Variants in SMG6 observed in about 807,000 individuals in gnomAD.
SMG6 encodes SMG6 nonsense mediated mRNA decay factor, also known as telomerase-binding protein EST1A.
SMG6 carries 66 observed loss-of-function variants against 142.2 expected under a neutral mutation model. That is an observed-to-expected ratio of 0.46 (90% CI 0.38 to 0.57). SMG6 has a LOEUF of 0.57. Ranked by LOEUF, SMG6 falls within the 20% of genes least tolerant of loss-of-function variation. SMG6 has a pLI of 0.00. For synonymous variants in SMG6, 779 were observed against 702.4 expected, an observed-to-expected ratio of 1.11 and a Z score of -1.72; for missense variants, 1,793 against 1,832.0, an observed-to-expected ratio of 0.98 and a Z score of 0.39.
chr17:2,076,711 AG>A (rs931175154), intron 15 of SMG6, among the ~76,000 whole-genome samples: 2 of 152,152 alleles, frequency 1.3e-5, no homozygotes, highest in Non-Finnish European at 2.9e-5. Context: ...GGGGAAGGGA[AG>A]GGGGGAATTT....
chr17:2,093,752 C>T (rs1257020682), intron 13 of SMG6, among the ~76,000 whole-genome samples: 3 of 152,038 alleles, frequency 2.0e-5, no homozygotes, highest in Non-Finnish European at 2.9e-5. Context: ...GCAGCAGGCT[C>T]AGTCTCTTGA....
chr17:2,254,885 G>A (rs2074129766), intron 8 of SMG6, among the ~76,000 whole-genome samples: 1 of 152,192 alleles, frequency 6.6e-6, no homozygotes, highest in African/African-American at 2.4e-5. Context: ...CAGCACCAGA[G>A]ATATCCTCTC....
At chr17:2,069,011 T>G in intron 15 of SMG6, 80 bp from the exon 16 acceptor site, 1 of 1,440,284 alleles carries the variant, frequency 6.9e-7, no homozygotes, top group Non-Finnish European at 9.6e-7. Context: ...CACTACGGTG[T>G]GTCAGCATCC....
intron 13 of SMG6, chr17:2,088,745 T>G: frequency 4.1e-6 from 4 of 985,358 alleles, no homozygotes; most frequent in Non-Finnish European, 4.8e-6. Flanking sequence ...ATGGAGAAAC[T>G]GAGAGGCAGA....
intron 16 of SMG6, among the ~76,000 whole-genome samples, chr17:2,066,970 C>G (rs761295276): frequency 2.5e-4 from 38 of 152,316 alleles, no homozygotes; most frequent in Non-Finnish European, 4.4e-4. Context: ...GAAGGGAAAG[C>G]TGGCGGCTTA....
intron 13 of SMG6, among the ~76,000 whole-genome samples, chr17:2,091,820 G>A (rs1032849263): frequency 3.4e-5 from 5 of 148,012 alleles, no homozygotes; most frequent in South Asian, 4.4e-4. Flanking sequence ...ACAGGCACCC[G>A]CCACCACGCC....
intron 6 of SMG6, among the ~76,000 whole-genome samples, chr17:2,285,770 T>C (rs2074891706): frequency 6.6e-6 from 1 of 152,152 alleles, no homozygotes; most frequent in Non-Finnish European, 1.5e-5. Context: ...ACCTCCCGGA[T>C]TTGAGCAATT....
intron 13 of SMG6, among the ~76,000 whole-genome samples, chr17:2,106,248 T>A (rs1198933096): frequency 1.3e-5 from 2 of 152,166 alleles, no homozygotes; most frequent in Non-Finnish European, 2.9e-5. Flanking sequence ...CTAAGGGAAG[T>A]TTCTTCAAAC....
intron 13 of SMG6, among the ~76,000 whole-genome samples, chr17:2,105,083 ATT>A (rs549898049): frequency 1.7e-4 from 18 of 103,150 alleles, no homozygotes; most frequent in East Asian, 3.0e-4. Context: ...CACCCAGCTA[ATT>A]TTTTTTTTTT....
intron 6 of SMG6, among the ~76,000 whole-genome samples, chr17:2,289,941 CATATATATATAT>C (rs3055883): frequency 1.4e-5 from 2 of 141,594 alleles, no homozygotes; most frequent in African/African-American, 5.2e-5. Flanking sequence ...TTATTTTATA[CATATATATATAT>C]ATATATATAT....
chr17:2,083,908 A>G (rs1482579524), intron 14 of SMG6, among the ~76,000 whole-genome samples: 2 of 152,194 alleles, frequency 1.3e-5, no homozygotes, highest in Non-Finnish European at 2.9e-5. Flanking sequence ...GGCCACTAAC[A>G]TGAAGGAACC....
intron 13 of SMG6, among the ~76,000 whole-genome samples, chr17:2,153,876 C>T (rs1475927629): frequency 2.2e-5 from 2 of 91,210 alleles, no homozygotes; most frequent in East Asian, 3.6e-4. Flanking sequence ...GTAGAGTGTG[C>T]GGTGACGGGG....
At position 2,071,277 on chromosome 17, in the gene SMG6, C is replaced by A. The variant is rs963783615; in HGVS notation, c.3682-2346G>T. ...AGTGGCTGCCATTTTTTTTTTTACC[C>A]TATGTGAACAGTCAGCTCCTAAGCC... On this transcript the variant is annotated intron_variant, in intron 15 of 18. Coordinates refer to ENST00000263073, the MANE Select transcript of SMG6 (RefSeq NM_017575.5). The surrounding 1 kb of genome is among the most constrained non-coding windows in gnomAD (Gnocchi z 5.6). Among the ~76,000 whole-genome samples, 3 of 151,772 alleles carry A rather than the reference C, an allele frequency of 2.0e-5. No homozygotes were observed. Among genetic ancestry groups the A allele is most frequent in the African/African-American group, 7.3e-5 (3 of 41,332 alleles).
intron 10 of SMG6, among the ~76,000 whole-genome samples, chr17:2,214,754 C>A (rs1204365425): frequency 1.3e-5 from 2 of 152,190 alleles, no homozygotes; most frequent in Admixed American, 1.3e-4. Context: ...TGTTATTTCT[C>A]CTCTCAAGAA....
intron 13 of SMG6, among the ~76,000 whole-genome samples, chr17:2,126,933 C>T (rs557149951): frequency 2.6e-5 from 4 of 151,496 alleles, no homozygotes; most frequent in Non-Finnish European, 5.9e-5. Flanking sequence ...CATACATGCA[C>T]ACATGCGCAC....
intron 8 of SMG6, among the ~76,000 whole-genome samples, chr17:2,251,584 G>A (rs1046765563): frequency 6.6e-6 from 1 of 152,124 alleles, no homozygotes; most frequent in Admixed American, 6.6e-5. Context: ...TCCAACTAAC[G>A]CACCCCTTGA....
intron 13 of SMG6, among the ~76,000 whole-genome samples, chr17:2,124,010 T>C (rs2069789134): frequency 6.6e-6 from 1 of 152,174 alleles, no homozygotes; most frequent in African/African-American, 2.4e-5. Context: ...AGGCCAGACA[T>C]TACCAGCACT....
intron 8 of SMG6, among the ~76,000 whole-genome samples, chr17:2,262,094 T>C (rs1296508242): frequency 6.6e-6 from 1 of 152,032 alleles, no homozygotes; most frequent in Non-Finnish European, 1.5e-5. Context: ...CCCAGAAAAA[T>C]GTAAATCCAT....
At chr17:2,242,356 C>CAAAAAAAAAAA (rs57062488) in intron 9 of SMG6, among the ~76,000 whole-genome samples, 2 of 73,512 alleles carry the variant, frequency 2.7e-5, no homozygotes, top group African/African-American at 1.4e-4. Flanking sequence ...ACTGAAGATA[C>CAAAAAAAAAAA]AAAAAAAAAA....
Sources: gnomAD v4.1 joint callset for allele counts (sites outside exome capture counted in the v4.1 genomes callset) on GRCh38, gnomAD v4.1.1 for gene constraint, Gnocchi (gnomAD v3.1) non-coding constraint, MANE v1.5 for transcripts, NCBI Gene and HGNC (gene_info 2026-07-23, HGNC 2026-07-21) for gene names.